RELL1: variants seen among roughly 807,000 people sequenced by gnomAD.
RELL1 encodes the protein RELT-like protein 1.
Under a neutral mutation model 23.0 loss-of-function variants are expected in RELL1, and 10 were observed. The ratio of observed to expected loss-of-function variants is 0.43; its 90% CI spans 0.27 to 0.74. RELL1 has a LOEUF of 0.74. Among genes scored for constraint, RELL1 ranks in the 30% least tolerant of loss-of-function variants. The probability of loss-of-function intolerance (pLI) is 0.19; values close to 1 mark genes in which losing one functional copy is unlikely to be tolerated. For synonymous variants in RELL1, 146 were observed against 146.8 expected (o/e 0.99, Z 0.04); for missense variants, 315 against 364.4 (o/e 0.86, Z 1.10).
chr4:37,654,127 T>C (rs1721041653), intron 1 of RELL1, among the ~76,000 whole-genome samples: 1 of 152,174 alleles, frequency 6.6e-6, no homozygotes, highest in Admixed American at 6.5e-5. Flanking sequence ...TACAAAAAGG[T>C]GGGCACTGTA....
chr4:37,604,786 GACAC>G (rs1284457656), intron 6 of RELL1, among the ~76,000 whole-genome samples: 1 of 52,626 alleles, frequency 1.9e-5, no homozygotes, highest in Admixed American at 2.0e-4. Context: ...GACACACACA[GACAC>G]ACACACAGAC....
At chr4:37,625,743 AAG>A (rs1477243057) in intron 6 of RELL1, among the ~76,000 whole-genome samples, 3 of 152,216 alleles carry the variant, frequency 2.0e-5, no homozygotes, top group East Asian at 1.9e-4. Flanking sequence ...GAAAAATGCT[AAG>A]AGAGATTTTA....
downstream of RELL1, chr4:37,589,046 A>C (rs1446773849): frequency 3.5e-6 from 2 of 573,252 alleles, no homozygotes; most frequent in Non-Finnish European, 6.1e-6. Flanking sequence ...GAATTGTTAT[A>C]ATATCATTTA....
At chr4:37,602,132 G>A (rs1719031340) in intron 6 of RELL1, among the ~76,000 whole-genome samples, 1 of 149,692 alleles carries the variant, frequency 6.7e-6, no homozygotes, top group African/African-American at 2.5e-5. Flanking sequence ...TGGGAGGATT[G>A]CTTGAGCCTG....
chr4:37,610,963 G>GA lies in RELL1; in HGVS notation c.*2382dup, dbSNP rs1719355296. On this transcript the variant is annotated 3_prime_UTR_variant, in exon 7 of 7. Transcript: ENST00000454158. This position sits in a 1 kb window ranked among gnomAD's most constrained non-coding sequence, Gnocchi z 4.1. ...AAAAAGCGTATGTGTTGAAAATACT[G>GA]AACGCTTAATTTTGGCAAATTTGGA... Among the ~76,000 whole-genome samples, 1 of 152,166 alleles carries GA rather than the reference G, an allele frequency of 6.6e-6. No individual in the cohort carries two copies. Among genetic ancestry groups the GA allele is most frequent in the African/African-American group, 2.4e-5 (1 of 41,430 alleles).
chr4:37,589,245 TGTGA>T (rs1718473448), downstream of RELL1, among the ~76,000 whole-genome samples: 1 of 152,222 alleles, frequency 6.6e-6, no homozygotes, highest in South Asian at 2.1e-4. Flanking sequence ...TTCAGAAAAT[TGTGA>T]GTAACGTGAA....
intron 6 of RELL1, among the ~76,000 whole-genome samples, chr4:37,605,279 G>T (rs1255349722): frequency 6.6e-6 from 1 of 152,184 alleles, no homozygotes; most frequent in Non-Finnish European, 1.5e-5. Flanking sequence ...GTGTACAGGG[G>T]GCCTAGTAGC....
intron 1 of RELL1, among the ~76,000 whole-genome samples, chr4:37,654,851 A>T (rs1359076909): frequency 6.6e-6 from 1 of 152,252 alleles, no homozygotes; most frequent in African/African-American, 2.4e-5. Flanking sequence ...ATGCAATATG[A>T]TCCAACTAGT....
downstream of RELL1, chr4:37,590,458 C>A (rs1448549357): frequency 7.5e-6 from 12 of 1,610,626 alleles, no homozygotes; most frequent in African/African-American, 1.3e-5. Flanking sequence ...CCCAACTCAA[C>A]CCTTCCTGGA....
intron 3 of RELL1, among the ~76,000 whole-genome samples, chr4:37,640,839 T>C (rs1720506813): frequency 6.6e-6 from 1 of 152,136 alleles, no homozygotes; most frequent in Admixed American, 6.5e-5. Flanking sequence ...TAAAGTAATT[T>C]GCCACCCAAA....
At chr4:37,606,333 C>T (rs1024583810), downstream of RELL1, among the ~76,000 whole-genome samples, 11 of 152,088 alleles carry the variant, frequency 7.2e-5, no homozygotes, top group African/African-American at 2.7e-4. This position sits in a 1 kb window ranked among gnomAD's most constrained non-coding sequence, Gnocchi z 4.1. Context: ...TGAAAGGGCT[C>T]CTACCACAGA....
At chr4:37,651,722 C>T (rs1158452822) in intron 1 of RELL1, among the ~76,000 whole-genome samples, 6 of 152,168 alleles carry the variant, frequency 3.9e-5, no homozygotes. Context: ...CCTCACAAAC[C>T]AATCAGCACT....
intron 1 of RELL1, among the ~76,000 whole-genome samples, chr4:37,680,651 G>A (rs1431700969): frequency 2.6e-5 from 4 of 152,126 alleles, no homozygotes; most frequent in African/African-American, 7.2e-5. Context: ...AGTTAAGAAC[G>A]CAATTACAGG....
chr4:37,635,022 G>T lies in RELL1; in HGVS notation c.545C>A (p.Thr182Lys), dbSNP rs762389007. 5 of 1,614,092 alleles carry T rather than the reference G, an allele frequency of 3.1e-6. No individual in the cohort carries two copies. The highest frequency in any genetic ancestry group is 4.2e-6 in the Non-Finnish European group (5 of 1,180,040). The change falls in exon 5 of 7, where the codon ACG (threonine) becomes AAG (lysine). Residue 182 changes from threonine (T) to lysine (K), a missense_variant. Transcript: ENST00000454158. ...ATCCCTCTCGACAACACCGCCCACC[G>T]TATGCAGATGATGGCCACAGACGTG... ...GKHVCGHHLH[T>K]VGGVVERDVC... is the part of the protein sequence containing the mutation.
chr4:37,605,855 AAGAAAAGAAAGAGAAAG>A (rs1719196611), downstream of RELL1, among the ~76,000 whole-genome samples: 1 of 137,920 alleles, frequency 7.3e-6, no homozygotes. Flanking sequence ...AGGAAAAGAA[AAGAAAAGAAAGAGAAAG>A]GAAAGAAGGA....
At chr4:37,628,414 G>T (rs1720021804) in intron 6 of RELL1, among the ~76,000 whole-genome samples, 3 of 152,128 alleles carry the variant, frequency 2.0e-5, no homozygotes, top group African/African-American at 7.2e-5. Context: ...TACACGGAAT[G>T]TGCCTTTCAA....
chr4:37,659,115 C>T (rs1021041495), intron 1 of RELL1, among the ~76,000 whole-genome samples: 1 of 152,194 alleles, frequency 6.6e-6, no homozygotes, highest in Non-Finnish European at 1.5e-5. Context: ...CAGAGCTTGG[C>T]TCTAGCTGGT....
chr4:37,602,996 A>C (rs1719055622), intron 6 of RELL1, among the ~76,000 whole-genome samples: 1 of 152,262 alleles, frequency 6.6e-6, no homozygotes, highest in Non-Finnish European at 1.5e-5. Context: ...CCAGAAAATC[A>C]GTTAGAAAAA....
chr4:37,632,094 A>AAG (rs1239630286), intron 5 of RELL1, among the ~76,000 whole-genome samples: 114 of 150,266 alleles, frequency 7.6e-4, no homozygotes, highest in African/African-American at 2.7e-3. Context: ...GAAAAAAAAA[A>AAG]AAAAAAAAAA....
Sources: allele counts gnomAD v4.1 joint callset (sites outside exome capture counted in the v4.1 genomes callset), GRCh38; gene constraint gnomAD v4.1.1; non-coding constraint Gnocchi (gnomAD v3.1); transcripts MANE v1.5; gene names NCBI Gene and HGNC (gene_info 2026-07-23, HGNC 2026-07-21).